Variants in TMEM130 observed in about 807,000 individuals in gnomAD.
TMEM130 encodes the protein transmembrane protein 130.
Under a neutral mutation model 42.9 loss-of-function variants are expected in TMEM130, and 37 were observed. The observed-to-expected ratio is 0.86, with a 90% confidence interval of 0.66 to 1.13. The LOEUF (loss-of-function observed/expected upper bound fraction) is 1.13. Among genes scored for constraint, TMEM130 ranks in the 50% most tolerant of loss-of-function variants. The pLI is 0.00. For missense variants in TMEM130, 545 were observed against 562.6 expected (o/e 0.97, Z 0.32); for synonymous variants, 259 against 237.7 (o/e 1.09, Z -0.82).
chr7:98,848,842 C>A (rs1298627947), intron 6 of TMEM130, 147 bp from the exon 7 acceptor site: 2 of 647,704 alleles, frequency 3.1e-6, no homozygotes, highest in Non-Finnish European at 5.7e-6. Flanking sequence ...AACTGGGCAA[C>A]CCCAATAGGT....
chr7:98,869,175 C>T lies in TMEM130; in HGVS notation c.85+602G>A, dbSNP rs782003911. The T allele has an allele frequency of 4.8e-5, 61 of 1,283,262 alleles. 1 individual carries two copies. In the South Asian group the frequency reaches 7.5e-4, roughly 16 times the overall value. 79.5% of individuals were successfully genotyped at this position (1,283,262 alleles called of 1,614,324 possible). A position where few individuals can be genotyped will look rare whatever the true frequency, so the allele number is the denominator to read the frequency against. On this transcript the variant is annotated intron_variant, in intron 1 of 7. Coordinates refer to ENST00000339375, the MANE Select transcript of TMEM130 (RefSeq NM_152913.3). The surrounding 1 kb of genome is among the most constrained non-coding windows in gnomAD (Gnocchi z 4.7). ...TGGGGGCAGTAGACACACAACCCTGCTTCCCCCACTCCCCCACCCACACAC... is the reference window on the plus strand; with the variant it reads ...TGGGGGCAGTAGACACACAACCCTGTTTCCCCCACTCCCCCACCCACACAC...
At chr7:98,856,801 G>A (rs376161274) in intron 3 of TMEM130, among the ~76,000 whole-genome samples, 25 of 152,226 alleles carry the variant, frequency 1.6e-4, no homozygotes, top group African/African-American at 5.3e-4. Flanking sequence ...CAGCCAAGCC[G>A]AGGGTTCTGT....
chr7:98,860,991 A>G (rs1395138309), intron 2 of TMEM130, among the ~76,000 whole-genome samples: 1 of 149,444 alleles, frequency 6.7e-6, no homozygotes, highest in African/African-American at 2.4e-5. Flanking sequence ...TAAGCTTTGA[A>G]AGGAACTTTT....
intron 5 of TMEM130, among the ~76,000 whole-genome samples, chr7:98,854,831 T>C (rs939344412): frequency 2.0e-5 from 3 of 151,788 alleles, no homozygotes; most frequent in Non-Finnish European, 4.4e-5. Flanking sequence ...AGGTCAGGAG[T>C]TGGAGACCAG....
chr7:98,869,170 C>T lies in TMEM130; in HGVS notation c.85+607G>A, dbSNP rs1554401002. On this transcript the variant is annotated intron_variant, in intron 1 of 7. Transcript: ENST00000339375. The surrounding 1 kb of genome is among the most constrained non-coding windows in gnomAD (Gnocchi z 4.7). ...GGAAGTGGGGGCAGTAGACACACAA[C>T]CCTGCTTCCCCCACTCCCCCACCCA... The T allele has an allele frequency of 7.8e-7, 1 of 1,282,186 alleles. No homozygotes were observed. Among genetic ancestry groups the T allele is most frequent in the South Asian group, 1.2e-5 (1 of 80,202 alleles). 79.4% of individuals were successfully genotyped at this position (1,282,186 alleles called of 1,614,324 possible).
intron 2 of TMEM130, among the ~76,000 whole-genome samples, chr7:98,860,562 C>T (rs891541885): frequency 5.9e-5 from 9 of 152,140 alleles, no homozygotes; most frequent in Non-Finnish European, 1.3e-4. Context: ...TGCTGAACAC[C>T]GGAGGACTCT....
Position 98,869,853 on chromosome 7 carries a change from C to T in TMEM130, c.9G>A (p.Gln3=). The part of the protein sequence containing the change: MA[Q]AVWSRLGRIL... ...TGCGGCCGAGGCGCGACCACACTGC[C>T]TGGGCCATTGCGGGGCCCGGAGCGG... Residue 3 remains glutamine, a synonymous_variant, in exon 1 of 8, where the codon CAG becomes CAA. Transcript: ENST00000339375. The surrounding 1 kb of genome is among the most constrained non-coding windows in gnomAD (Gnocchi z 4.7). 7.1e-7 allele frequency: 1 copy of T among 1,399,804 alleles called. No individual in the cohort carries two copies. Among genetic ancestry groups the T allele is most frequent in the African/African-American group, 1.5e-5 (1 of 67,348 alleles). 86.7% of individuals were successfully genotyped at this position (1,399,804 alleles called of 1,614,324 possible).
In TMEM130 at chr7:98,869,018, G is replaced by C. The variant is rs1228205242; in HGVS notation, c.85+759C>G. Among the ~76,000 whole-genome samples, 1 of 152,188 alleles carries C rather than the reference G, an allele frequency of 6.6e-6. No homozygotes were observed. The highest frequency in any genetic ancestry group is 1.5e-5 in the Non-Finnish European group (1 of 68,030). On this transcript the variant is annotated intron_variant, in intron 1 of 7. Transcript: ENST00000339375. The surrounding 1 kb of genome is among the most constrained non-coding windows in gnomAD (Gnocchi z 4.7). ...TTTATGAGGGGGGAGGGGGTGAAAA[G>C]TGGTGGATAGTATTCAACCTTCTTA...
chr7:98,860,134 G>A (rs1794729853), intron 3 of TMEM130, 45 bp downstream of exon 3: 1 of 1,588,154 alleles, frequency 6.3e-7, no homozygotes, highest in Admixed American at 1.8e-5. Flanking sequence ...GGGACAGTGG[G>A]GCACCAGTGA....
chr7:98,867,873 G>A (rs1376538851), intron 1 of TMEM130, among the ~76,000 whole-genome samples: 2 of 152,198 alleles, frequency 1.3e-5, no homozygotes, highest in African/African-American at 4.8e-5. Flanking sequence ...AAATGGACCA[G>A]GAAGCCTTTG....
At position 98,855,401 on chromosome 7, in the gene TMEM130, G is replaced by A. The variant is rs536562734; in HGVS notation, c.719-77C>T. ...AGGCTCCCAGGGCACAGGGTGGTGC[G>A]ACTGCCACCCTGTCCTCCCCTCCGT... is the stretch of plus-strand genomic sequence containing the variant. On this transcript the variant is annotated intron_variant, in intron 4 of 7. Coordinates refer to ENST00000339375, the MANE Select transcript of TMEM130 (RefSeq NM_152913.3). 2.6e-5 allele frequency: 34 copies of A among 1,315,152 alleles called. 1 individual carries two copies. Among genetic ancestry groups the A allele is most frequent in the Middle Eastern group, 1.9e-4 (1 of 5,314 alleles). 81.5% of individuals were successfully genotyped at this position (1,315,152 alleles called of 1,614,324 possible). A position where few individuals can be genotyped will look rare whatever the true frequency, so the allele number is the denominator to read the frequency against.
Position 98,856,285 on chromosome 7 carries a change from G to C in TMEM130, c.552-102C>G, listed in dbSNP as rs917559319. ...ATGGGACTTGCCAGAGTCAGGGGAG[G>C]CTGTACAGTGATACTCCCAGCTACC... On this transcript the variant is annotated intron_variant, in intron 3 of 7. Coordinates refer to ENST00000339375, the MANE Select transcript of TMEM130 (RefSeq NM_152913.3). 40 of 1,175,932 alleles carry C rather than the reference G, an allele frequency of 3.4e-5. No homozygotes were observed. In the African/African-American group the frequency reaches 5.4e-4, roughly 16 times the overall value. 72.8% of individuals were successfully genotyped at this position (1,175,932 alleles called of 1,614,324 possible).
At position 98,850,273 on chromosome 7, in the gene TMEM130, A is replaced by ATATATATATATTTTTTTTTTTTTTTTT; in HGVS notation, c.1006+1147_1006+1148insAAAAAAAAAAAAAAAAATATATATATA. On this transcript the variant is annotated intron_variant, in intron 6 of 7. Transcript: ENST00000339375. ...CTCATATATATATATATATATATAT[A>ATATATATATATTTTTTTTTTTTTTTTT]TTTTTTTTTTTTTTTAATTTTTTGA... 2.3e-3 allele frequency among the ~76,000 whole-genome samples: 83 copies of ATATATATATATTTTTTTTTTTTTTTTT among 35,338 alleles called. 1 individual carries two copies. The highest frequency in any genetic ancestry group is 3.9e-3 in the Non-Finnish European group (61 of 15,720). The allele number at this position is 35,338 out of a possible 152,430, so 23.2% of individuals were successfully genotyped here. A position where few individuals can be genotyped will look rare whatever the true frequency, so the allele number is the denominator to read the frequency against.
intron 5 of TMEM130, 99 bp from the exon 6 acceptor site, chr7:98,851,722 C>G: frequency 8.9e-7 from 1 of 1,124,332 alleles, no homozygotes; most frequent in Non-Finnish European, 1.2e-6. Flanking sequence ...ACTTCAGTGT[C>G]CTTTCCAGGA....
intron 1 of TMEM130, among the ~76,000 whole-genome samples, chr7:98,868,798 A>C (rs1584248675): frequency 6.6e-6 from 1 of 152,194 alleles, no homozygotes; most frequent in African/African-American, 2.4e-5. Flanking sequence ...ACACATTGAA[A>C]ATCTCTGACA....
At position 98,855,316 on chromosome 7, in the gene TMEM130, G is replaced by T. The variant is rs17161483; in HGVS notation, c.727C>A (p.Arg243=). ...SASLKLQETL[R]GIQVLGPTLI... is the part of the protein sequence containing the mutation. ...GTGGGCCCCAACACTTGGATGCCTC[G>T]AAGGGTTTCTGTAAGGCAGAGAGAA... Residue 243 remains arginine (R), a synonymous_variant, in exon 5 of 8, where the codon CGA becomes AGA. Coordinates refer to ENST00000339375, the MANE Select transcript of TMEM130 (RefSeq NM_152913.3). 22,979 of 1,612,400 alleles carry T rather than the reference G, an allele frequency of 0.014. 185 individuals carry two copies. Among genetic ancestry groups the T allele is most frequent in the Non-Finnish European group, 0.017 (19,835 of 1,179,046 alleles).
At chr7:98,852,041 A>C (rs1584234619) in intron 5 of TMEM130, among the ~76,000 whole-genome samples, 2 of 152,182 alleles carry the variant, frequency 1.3e-5, no homozygotes, top group East Asian at 3.9e-4. Flanking sequence ...CCAGCTCCTG[A>C]GCTCAAGCGA....
chr7:98,863,003 T>G (rs918730881), intron 2 of TMEM130, 92 bp downstream of exon 2: 5 of 1,373,590 alleles, frequency 3.6e-6, no homozygotes, highest in Admixed American at 2.0e-5. Flanking sequence ...CCTACGGGCC[T>G]AATCTGCATT....
chr7:98,863,912 T>G (rs1223134210), intron 1 of TMEM130, among the ~76,000 whole-genome samples: 1 of 150,008 alleles, frequency 6.7e-6, no homozygotes, highest in Non-Finnish European at 1.5e-5. Flanking sequence ...CTCTCTCCCT[T>G]TCGTTCTCTG....
Sources: allele counts gnomAD v4.1 joint callset (sites outside exome capture counted in the v4.1 genomes callset), GRCh38; gene constraint gnomAD v4.1.1; non-coding constraint Gnocchi (gnomAD v3.1); transcripts MANE v1.5; gene names NCBI Gene and HGNC (gene_info 2026-07-23, HGNC 2026-07-21).